Variants in H4C16 observed in about 807,000 individuals in gnomAD.
H4C16 encodes the protein H4 histone 16, also known as histone H4.
chr12:14,770,824 C>T, the H4C16 span: 1 of 1,614,174 alleles, frequency 6.2e-7, no homozygotes, highest in South Asian at 1.1e-5. Context: ...GCGCGTACAC[C>T]ACATCCATGG....
the H4C16 span, chr12:14,770,950 C>T: frequency 1.2e-6 from 2 of 1,614,236 alleles, no homozygotes; most frequent in African/African-American, 2.7e-5. Context: ...CAGAAATGCG[C>T]TTGACGCCCC....
chr12:14,770,881 A>G, the H4C16 span: 4 of 1,614,180 alleles, frequency 2.5e-6, no homozygotes, highest in South Asian at 4.4e-5. Context: ...TCACCGCGTC[A>G]CGGATCACGT....
At chr12:14,770,771 G>C in the H4C16 span, 3 of 1,606,490 alleles carry the variant, frequency 1.9e-6, no homozygotes, top group Admixed American at 1.7e-5. Context: ...TGTGGGGACA[G>C]CTCAACCGCC....
chr12:14,770,945 A>G, the H4C16 span: 1 of 1,614,172 alleles, frequency 6.2e-7, no homozygotes, highest in South Asian at 1.1e-5. Flanking sequence ...GAGACCAGAA[A>G]TGCGCTTGAC....
chr12:14,770,756 G>C, the H4C16 span: 1 of 1,595,526 alleles, frequency 6.3e-7, no homozygotes, highest in Middle Eastern at 1.7e-4. Context: ...AGTCTGTAGA[G>C]AAGCTGTGGG....
At chr12:14,771,038 G>A in the H4C16 span, 2 of 1,613,106 alleles carry the variant, frequency 1.2e-6, no homozygotes, top group Non-Finnish European at 1.7e-6. Flanking sequence ...GTGGCGCTTG[G>A]CGCCTCCCTT....
the H4C16 span, chr12:14,771,027 G>C: frequency 6.2e-7 from 1 of 1,613,358 alleles, no homozygotes; most frequent in Non-Finnish European, 8.5e-7. Flanking sequence ...AGCACCTTCC[G>C]GTGGCGCTTG....
At chr12:14,770,982 T>C in the H4C16 span, 13 of 1,614,198 alleles carry the variant, frequency 8.1e-6, no homozygotes, top group Non-Finnish European at 1.1e-5. Flanking sequence ...AGACGGCGAA[T>C]CGCCGGCTTT....
the H4C16 span, chr12:14,770,978 C>G: frequency 1.9e-6 from 3 of 1,614,216 alleles, no homozygotes; most frequent in Admixed American, 5.0e-5. Flanking sequence ...GGCGAGACGG[C>G]GAATCGCCGG....
At chr12:14,770,919 G>C in the H4C16 span, 2 of 1,614,070 alleles carry the variant, frequency 1.2e-6, no homozygotes, top group African/African-American at 1.3e-5. Flanking sequence ...AGGACTCCCC[G>C]GGTCTCCTCG....
the H4C16 span, chr12:14,770,925 C>T: frequency 3.1e-6 from 5 of 1,614,232 alleles, no homozygotes; most frequent in South Asian, 1.1e-5. Flanking sequence ...CCCCGGGTCT[C>T]CTCGTAGATG....
the H4C16 span, chr12:14,770,813 AGC>A: frequency 6.2e-7 from 1 of 1,614,106 alleles, no homozygotes; most frequent in Non-Finnish European, 8.5e-7. Context: ...CTGGCGTTTC[AGC>A]GCGTACACCA....
At chr12:14,771,104 C>T in the H4C16 span, 20 of 1,568,138 alleles carry the variant, frequency 1.3e-5, no homozygotes, top group South Asian at 3.5e-5. Flanking sequence ...ACAGCGCCTA[C>T]TCAGCAGAAA....
chr12:14,771,006 T>G, the H4C16 span: 2 of 1,613,936 alleles, frequency 1.2e-6, no homozygotes, highest in Non-Finnish European at 1.7e-6. Flanking sequence ...ATGCCTTGGA[T>G]ATTGTCCCGC....
the H4C16 span, chr12:14,771,077 C>A: frequency 6.3e-7 from 1 of 1,590,590 alleles, no homozygotes; most frequent in Non-Finnish European, 8.6e-7. Context: ...TTTACCTCGC[C>A]CAGACATTCT....
At chr12:14,771,117 C>A in the H4C16 span, 2 of 1,554,052 alleles carry the variant, frequency 1.3e-6, no homozygotes, top group Non-Finnish European at 1.7e-6. Flanking sequence ...AGCAGAAAAT[C>A]GGGCTGCCCA....
At chr12:14,770,940 C>T in the H4C16 span, 2 of 1,614,202 alleles carry the variant, frequency 1.2e-6, no homozygotes, top group Non-Finnish European at 1.7e-6. Context: ...TAGATGAGAC[C>T]AGAAATGCGC....
the H4C16 span, chr12:14,771,130 G>A: frequency 6.5e-7 from 1 of 1,533,286 alleles, no homozygotes; most frequent in African/African-American, 1.4e-5. Context: ...GCTGCCCACT[G>A]TGATTGCCAG....
At chr12:14,770,759 G>A in the H4C16 span, 2 of 1,599,082 alleles carry the variant, frequency 1.3e-6, no homozygotes, top group African/African-American at 1.3e-5. Flanking sequence ...CTGTAGAGAA[G>A]CTGTGGGGAC....
Sources: gnomAD v4.1 joint callset for allele counts on GRCh38, gnomAD v4.1.1 for gene constraint, MANE v1.5 for transcripts, NCBI Gene and HGNC (gene_info 2026-07-23, HGNC 2026-07-21) for gene names.